NAV2: variants seen among roughly 807,000 people sequenced by gnomAD.
NAV2 encodes neuron navigator 2.
A neutral mutation model predicts 223.2 loss-of-function variants in NAV2; 54 were observed. That is an observed-to-expected ratio of 0.24 (90% CI 0.19 to 0.30). NAV2 has a LOEUF of 0.30. Ranked by LOEUF, NAV2 falls within the 10% of genes least tolerant of loss-of-function variation. The pLI, the probability that NAV2 is intolerant of heterozygous loss-of-function variation, is 1.00. For synonymous variants in NAV2, 1,279 were observed against 1,239.3 expected, an observed-to-expected ratio of 1.03 and a Z score of -0.67; for missense variants, 2,806 against 3,147.5, an observed-to-expected ratio of 0.89 and a Z score of 2.60.
chr11:19,457,140 G>A (rs1851984258), intron 1 of NAV2, among the ~76,000 whole-genome samples: 1 of 152,184 alleles, frequency 6.6e-6, no homozygotes, highest in Non-Finnish European at 1.5e-5. Flanking sequence ...TACTCTCATA[G>A]AGTTTATACT....
chr11:19,485,321 A>AC (rs1344163304), intron 1 of NAV2, among the ~76,000 whole-genome samples: 2 of 152,096 alleles, frequency 1.3e-5, no homozygotes, highest in Non-Finnish European at 2.9e-5. Flanking sequence ...CATTCCCAGG[A>AC]CCTTTGACTT....
intron 5 of NAV2, among the ~76,000 whole-genome samples, chr11:19,891,425 T>C (rs2041489008): frequency 6.6e-6 from 1 of 152,190 alleles, no homozygotes; most frequent in Admixed American, 6.5e-5. Context: ...ATTAACTCTT[T>C]GGTGAATGGG....
intron 1 of NAV2, among the ~76,000 whole-genome samples, chr11:19,767,105 G>A (rs771994198): frequency 2.0e-5 from 3 of 152,188 alleles, no homozygotes; most frequent in African/African-American, 4.8e-5. Flanking sequence ...CCTTGGCCCA[G>A]GAACCAGGTC....
At chr11:19,430,660 G>A (rs1851007013) in intron 1 of NAV2, among the ~76,000 whole-genome samples, 2 of 152,268 alleles carry the variant, frequency 1.3e-5, no homozygotes, top group East Asian at 3.9e-4. Flanking sequence ...CTAACACCAG[G>A]GAGTTGTTTT....
intron 1 of NAV2, among the ~76,000 whole-genome samples, chr11:19,494,664 A>G (rs544853810): frequency 6.6e-6 from 1 of 152,190 alleles, no homozygotes; most frequent in Non-Finnish European, 1.5e-5. Context: ...TAAGGATACA[A>G]AGACCCCACC....
At chr11:19,540,042 G>T (rs892630986) in intron 1 of NAV2, among the ~76,000 whole-genome samples, 2 of 152,180 alleles carry the variant, frequency 1.3e-5, no homozygotes, top group African/African-American at 2.4e-5. Flanking sequence ...AGGGACAATT[G>T]TTCCCAGCAA....
At chr11:19,988,689 T>C (rs1206657345) in intron 11 of NAV2, among the ~76,000 whole-genome samples, 1 of 152,176 alleles carries the variant, frequency 6.6e-6, no homozygotes, top group Non-Finnish European at 1.5e-5. Flanking sequence ...GGCGTCCCAG[T>C]TTCAGCTTGA....
At chr11:19,498,444 G>A (rs775956783) in intron 1 of NAV2, among the ~76,000 whole-genome samples, 1 of 152,170 alleles carries the variant, frequency 6.6e-6, no homozygotes, top group Non-Finnish European at 1.5e-5. Flanking sequence ...AGATGATGAA[G>A]GCATCTCTGG....
intron 13 of NAV2, 122 bp downstream of exon 13, chr11:20,044,394 A>T: frequency 1.2e-6 from 1 of 859,332 alleles, no homozygotes; most frequent in South Asian, 1.9e-5. Context: ...GCTAACAACG[A>T]GCTTCCATAA....
intron 14 of NAV2, among the ~76,000 whole-genome samples, chr11:20,047,274 C>T (rs1422482000): frequency 6.6e-6 from 1 of 152,190 alleles, no homozygotes; most frequent in African/African-American, 2.4e-5. Flanking sequence ...CATGCAGCTC[C>T]TACGGCTCTA....
At chr11:19,539,635 G>C (rs560941027) in intron 1 of NAV2, among the ~76,000 whole-genome samples, 3 of 152,190 alleles carry the variant, frequency 2.0e-5, no homozygotes, top group Admixed American at 2.0e-4. Context: ...CTTAGGGGAT[G>C]GGAGCAAAAA....
chr11:19,972,939 A>G (rs187332335), intron 10 of NAV2, among the ~76,000 whole-genome samples: 205 of 152,284 alleles, frequency 1.3e-3, no homozygotes, highest in African/African-American at 4.7e-3. Flanking sequence ...ACTCTATGTG[A>G]GCCCTTCCTG....
chr11:19,925,461 A>T (rs773037766), intron 6 of NAV2, among the ~76,000 whole-genome samples: 35 of 152,226 alleles, frequency 2.3e-4, no homozygotes, highest in African/African-American at 3.6e-4. Context: ...ATATAAGGTA[A>T]GAATCCAGGC....
chr11:19,671,908 A>C (rs774696645), intron 1 of NAV2, among the ~76,000 whole-genome samples: 12 of 152,198 alleles, frequency 7.9e-5, no homozygotes, highest in Non-Finnish European at 1.6e-4. Context: ...CATGTGGGGA[A>C]TTCAAAGATG....
At chr11:20,036,300 G>A (rs920199899) in intron 12 of NAV2, among the ~76,000 whole-genome samples, 29 of 152,212 alleles carry the variant, frequency 1.9e-4, no homozygotes, top group African/African-American at 6.8e-4. Flanking sequence ...TGGTGGACAC[G>A]GGAGTAGGGA....
intron 1 of NAV2, among the ~76,000 whole-genome samples, chr11:19,370,857 C>T (rs1261240400): frequency 1.3e-5 from 2 of 152,218 alleles, no homozygotes; most frequent in African/African-American, 4.8e-5. Context: ...TAACAGCAGC[C>T]AGCTGGGCTC....
intron 1 of NAV2, among the ~76,000 whole-genome samples, chr11:19,668,111 G>A (rs1244905327): frequency 6.6e-6 from 1 of 152,178 alleles, no homozygotes; most frequent in East Asian, 1.9e-4. Context: ...GAGCAGAGAG[G>A]ACAGAGGAAG....
At chr11:20,024,278 C>T (rs1307537201) in intron 11 of NAV2, among the ~76,000 whole-genome samples, 1 of 152,152 alleles carries the variant, frequency 6.6e-6, no homozygotes. Flanking sequence ...GCAGTAGGAC[C>T]TAGCTGGGAG....
At chr11:19,966,059 G>A (rs2048746051) in intron 10 of NAV2, among the ~76,000 whole-genome samples, 1 of 152,238 alleles carries the variant, frequency 6.6e-6, no homozygotes, top group Non-Finnish European at 1.5e-5. Flanking sequence ...AGGGTACAGT[G>A]AACAATGCAG....
Sources: gnomAD v4.1 joint callset for allele counts (sites outside exome capture counted in the v4.1 genomes callset) on GRCh38, gnomAD v4.1.1 for gene constraint, MANE v1.5 for transcripts, NCBI Gene and HGNC (gene_info 2026-07-23, HGNC 2026-07-21) for gene names.